The following RNF34 variants were observed in gnomAD, a reference collection of about 807,000 sequenced individuals.
RNF34 encodes the protein ring finger protein 34.
In RNF34, 12 loss-of-function variants were observed where a neutral mutation model predicts 37.9. That is an observed-to-expected ratio of 0.32 (90% CI 0.20 to 0.51). RNF34 has a LOEUF of 0.51. Ranked by LOEUF, RNF34 falls within the 20% of genes least tolerant of loss-of-function variation. The pLI, the probability that RNF34 is intolerant of heterozygous loss-of-function variation, is 0.97. For synonymous variants in RNF34, 155 were observed against 177.2 expected (o/e 0.87, Z 1.00); for missense variants, 362 against 472.7 (o/e 0.77, Z 2.17).
At chr12:121,414,448 A>C (rs941530881) in intron 1 of RNF34, among the ~76,000 whole-genome samples, 1 of 151,806 alleles carries the variant, frequency 6.6e-6, no homozygotes, top group African/African-American at 2.4e-5. Flanking sequence ...ACTGCAGTAA[A>C]AAGGAGACAG....
At chr12:121,404,977 C>T (rs1870387033) in intron 1 of RNF34, 1 of 152,260 alleles carries the variant, frequency 6.6e-6, no homozygotes, top group Admixed American at 6.5e-5. Context: ...AAACAGAACA[C>T]CTTTCCTCTT....
At chr12:121,416,006 T>C (rs1357138369) in intron 1 of RNF34, among the ~76,000 whole-genome samples, 153 bp from the exon 2 acceptor site, 1 of 152,144 alleles carries the variant, frequency 6.6e-6, no homozygotes, top group Non-Finnish European at 1.5e-5. Flanking sequence ...GAAAATTCTT[T>C]CCAAATGGCT....
At position 121,420,613 on chromosome 12, in the gene RNF34, C is replaced by T. The variant is rs1169356012; in HGVS notation, c.763C>T (p.Leu255=). ...GLSKERVRAS[L]SDLSSLDDVE... ...CTCCAAGGAGAGAGTGAGAGCTTCA[C>T]TGTCTGACTTGTCAAGCCTTGATGA... is the stretch of plus-strand genomic sequence containing the variant. The change falls in exon 5 of 6, where the codon CTG becomes TTG. Residue 255 remains leucine, a synonymous_variant. Transcript: ENST00000361234. 1.9e-6 allele frequency: 3 copies of T among 1,614,054 alleles called. No individual in the cohort carries two copies. Among genetic ancestry groups the T allele is most frequent in the Non-Finnish European group, 2.5e-6 (3 of 1,180,028 alleles).
At position 121,417,779 on chromosome 12, in the gene RNF34, A is replaced by C. The variant is rs1280873640; in HGVS notation, c.501A>C (p.Ser167=). Residue 167 remains serine (S), a synonymous_variant, in exon 3 of 6, where the codon TCA becomes TCC. Coordinates refer to ENST00000361234, the MANE Select transcript of RNF34 (RefSeq NM_025126.4). The surrounding 1 kb of genome is among the most constrained non-coding windows in gnomAD (Gnocchi z 5.0). ...TGGACACAAGCAGTCTGAATTCTTCAAGGTCCCAGACTTCTAGCTTTTTTA... is the reference window on the plus strand; with the variant it reads ...TGGACACAAGCAGTCTGAATTCTTCCAGGTCCCAGACTTCTAGCTTTTTTA... ...DDMDTSSLNS[S]RSQTSSFFTR... is the part of the protein sequence containing the mutation. 1 of 1,614,076 alleles carries C rather than the reference A, an allele frequency of 6.2e-7. No individual in the cohort carries two copies. The highest frequency in any genetic ancestry group is 8.5e-7 in the Non-Finnish European group (1 of 1,180,044).
At chr12:121,412,035 C>G (rs1303597551) in intron 1 of RNF34, among the ~76,000 whole-genome samples, 1 of 152,026 alleles carries the variant, frequency 6.6e-6, no homozygotes, top group Non-Finnish European at 1.5e-5. Flanking sequence ...GTGGATGAAT[C>G]CTTTACTTAA....
At chr12:121,420,152 G>A in intron 3 of RNF34, 90 bp from the exon 4 acceptor site, 3 of 1,190,866 alleles carry the variant, frequency 2.5e-6, no homozygotes, top group Non-Finnish European at 3.7e-6. Context: ...TGGCTTTCTG[G>A]TCATCATGGG....
Position 121,400,639 on chromosome 12 carries a change from A to G in RNF34, c.6+421A>G, listed in dbSNP as rs1317162052. Among the ~76,000 whole-genome samples, 8 of 152,244 alleles carry G rather than the reference A, an allele frequency of 5.3e-5. No individual in the cohort carries two copies. In the South Asian group the frequency reaches 1.7e-3, roughly 32 times the overall value. Reference sequence around the variant, plus strand: ...TGTTGGGGACATCGTGGGACCGAGGAGAACAGGAGGGGTGCAGGGGGTGGT... The same window carrying G: ...TGTTGGGGACATCGTGGGACCGAGGGGAACAGGAGGGGTGCAGGGGGTGGT... On this transcript the variant is annotated intron_variant, in intron 1 of 5. Transcript: ENST00000361234.
At chr12:121,401,029 G>A (rs1221904781) in intron 1 of RNF34, among the ~76,000 whole-genome samples, 1 of 152,100 alleles carries the variant, frequency 6.6e-6, no homozygotes, top group Non-Finnish European at 1.5e-5. Flanking sequence ...GTCATAAGGT[G>A]ATGATAACTT....
rs1416814249 is a variant in RNF34, at chr12:121,402,939, G to T, written c.6+2721G>T. 3 of 684,068 alleles carry T rather than the reference G, an allele frequency of 4.4e-6. 1 individual carries two copies. Among genetic ancestry groups the T allele is most frequent in the Non-Finnish European group, 7.9e-6 (3 of 381,826 alleles). The allele number at this position is 684,068 out of a possible 1,614,324, so 42.4% of individuals were successfully genotyped here. ...TGCTTAATGTCCAAATGGTATGAGA[G>T]AAATAATTTAGGATGTAGAATTCCT... On this transcript the variant is annotated intron_variant, in intron 1 of 5. Transcript: ENST00000361234.
chr12:121,404,661 G>C (rs889359930), intron 1 of RNF34, among the ~76,000 whole-genome samples: 3 of 152,114 alleles, frequency 2.0e-5, no homozygotes, highest in Non-Finnish European at 4.4e-5. Flanking sequence ...GGGATTAGAG[G>C]TGTGAGCTAC....
intron 2 of RNF34, 172 bp downstream of exon 2, chr12:121,416,549 C>G: frequency 1.7e-6 from 1 of 575,296 alleles, no homozygotes; most frequent in Non-Finnish European, 3.1e-6. Context: ...TATATTACTG[C>G]TCAAGTTTTA....
At chr12:121,414,536 A>G (rs1871380285) in intron 1 of RNF34, among the ~76,000 whole-genome samples, 1 of 152,354 alleles carries the variant, frequency 6.6e-6, no homozygotes, top group Middle Eastern at 3.4e-3. Flanking sequence ...ATAGAAAGCA[A>G]TACATTAGTT....
chr12:121,403,897 CATATT>C (rs1251153863), intron 1 of RNF34, among the ~76,000 whole-genome samples: 1 of 150,616 alleles, frequency 6.6e-6, no homozygotes, highest in East Asian at 1.9e-4. Context: ...TGTGTAGTAA[CATATT>C]AGAGTTTTGG....
chr12:121,411,277 T>A (rs1871030563), intron 1 of RNF34, among the ~76,000 whole-genome samples: 1 of 151,958 alleles, frequency 6.6e-6, no homozygotes, highest in Non-Finnish European at 1.5e-5. Context: ...GTGTTTTTCT[T>A]CATTTTCTTT....
chr12:121,414,314 CA>C (rs781825686), intron 1 of RNF34, among the ~76,000 whole-genome samples: 2 of 152,222 alleles, frequency 1.3e-5, no homozygotes, highest in Non-Finnish European at 2.9e-5. Context: ...AGGACAAAGG[CA>C]AAAGCCTATT....
chr12:121,415,840 C>CT (rs782608817), intron 1 of RNF34, among the ~76,000 whole-genome samples: 15,540 of 107,938 alleles, frequency 0.14, 1,460 homozygotes, highest in African/African-American at 0.25. Context: ...TTTGTCCAGT[C>CT]TTTTTTTTTT....
In RNF34 at chr12:121,417,381, A is replaced by T; in HGVS notation, c.226-123A>T. 1.3e-6 allele frequency: 1 copy of T among 740,788 alleles called. No homozygotes were observed. The highest frequency in any genetic ancestry group is 2.2e-6 in the Non-Finnish European group (1 of 459,188). The allele number at this position is 740,788 out of a possible 1,614,324, so 45.9% of individuals were successfully genotyped here. ...GAAACATGAAAATACCTCTGGAAAT[A>T]GTCTGGTGCCACTGGGGACTTCACT... On this transcript the variant is annotated intron_variant, in intron 2 of 5. Coordinates refer to ENST00000361234, the MANE Select transcript of RNF34 (RefSeq NM_025126.4). This position sits in a 1 kb window ranked among gnomAD's most constrained non-coding sequence, Gnocchi z 5.0.
At chr12:121,402,272 G>T (rs1172848963) in intron 1 of RNF34, among the ~76,000 whole-genome samples, 1 of 151,400 alleles carries the variant, frequency 6.6e-6, no homozygotes, top group African/African-American at 2.4e-5. Context: ...ACCCTGTCTC[G>T]ATTAAAAATT....
chr12:121,423,784 C>T lies in RNF34; in HGVS notation c.*208C>T, dbSNP rs377270647. The T allele has an allele frequency of 1.1e-4, 58 of 531,162 alleles. 2 individuals are homozygous for T. The highest frequency in any genetic ancestry group is 5.2e-4 in the East Asian group (16 of 30,842). The allele number at this position is 531,162 out of a possible 1,614,324, so 32.9% of individuals were successfully genotyped here. A position where few individuals can be genotyped will look rare whatever the true frequency, so the allele number is the denominator to read the frequency against. On this transcript the variant is annotated 3_prime_UTR_variant, in exon 6 of 6. Transcript: ENST00000361234. The surrounding 1 kb of genome is among the most constrained non-coding windows in gnomAD (Gnocchi z 4.3). The stretch of plus-strand genomic sequence containing the variant: ...TCTGCCTGTGGACACGTGAGCTTCC[C>T]GGGCTCAGCTGGGCTTTATCACACA...
Sources: gnomAD v4.1 joint callset for allele counts (sites outside exome capture counted in the v4.1 genomes callset) on GRCh38, gnomAD v4.1.1 for gene constraint, Gnocchi (gnomAD v3.1) non-coding constraint, MANE v1.5 for transcripts, NCBI Gene and HGNC (gene_info 2026-07-23, HGNC 2026-07-21) for gene names.